MROH6: variants seen among roughly 807,000 people sequenced by gnomAD.
The protein encoded by MROH6 is maestro heat like repeat family member 6.
Under a neutral mutation model 67.7 loss-of-function variants are expected in MROH6, and 62 were observed. The ratio of observed to expected loss-of-function variants is 0.92; its 90% CI spans 0.75 to 1.13. MROH6 has a LOEUF of 1.13. Among genes scored for constraint, MROH6 ranks in the 50% most tolerant of loss-of-function variants. The pLI is 0.00. For missense variants in MROH6, 1,175 were observed against 1,029.1 expected (o/e 1.14, Z -1.94); for synonymous variants, 566 against 470.8 (o/e 1.20, Z -2.62).
At chr8:143,568,503 G>A in intron 10 of MROH6, 49 bp downstream of exon 10, 2 of 1,476,652 alleles carry the variant, frequency 1.4e-6, no homozygotes, top group Non-Finnish European at 1.8e-6. Flanking sequence ...CGGTGGGAGT[G>A]GTGAGTGTTG....
chr8:143,571,725 G>A lies in MROH6; in HGVS notation c.544C>T (p.Leu182=). 1.3e-6 allele frequency: 2 copies of A among 1,550,432 alleles called. No individual in the cohort carries two copies. The highest frequency in any genetic ancestry group is 1.7e-6 in the Non-Finnish European group (2 of 1,148,112). The change falls in exon 3 of 14, where the codon CTG becomes TTG. Residue 182 remains leucine, a synonymous_variant. Transcript: ENST00000398882. ...AALRVLSALA[L]EHARDVVCAL... The stretch of plus-strand genomic sequence containing the variant: ...CACACCACGTCCCGCGCATGCTCCA[G>A]GGCCAGTGCGCTCAGCACTCGCAGG...
chr8:143,569,246 A>T (rs868204771), intron 9 of MROH6, among the ~76,000 whole-genome samples, 195 bp downstream of exon 9: 3 of 55,934 alleles, frequency 5.4e-5, no homozygotes, highest in Non-Finnish European at 1.0e-4. Context: ...AGGGAGAAAC[A>T]GGAGGGGCGG....
In MROH6 at chr8:143,570,285, ACCAGCCTCCT is replaced by A. The variant is rs768413349; in HGVS notation, c.991_1000del (p.Arg331TrpfsTer97). 4.4e-6 allele frequency: 7 copies of A among 1,605,098 alleles called. No homozygotes were observed. Among genetic ancestry groups the A allele is most frequent in the South Asian group, 1.1e-5 (1 of 90,574 alleles). Reference sequence around the variant, plus strand: ...GCCCTCCAGGTGGGTGTGGGCTCCCACCAGCCTCCTCCAGCCTCCTGCCTGCTCCATGCAC... The same window carrying A: ...GCCCTCCAGGTGGGTGTGGGCTCCCACCAGCCTCCTGCCTGCTCCATGCAC... On this transcript the variant is annotated frameshift_variant, in exon 6 of 14. Coordinates refer to ENST00000398882, the MANE Select transcript of MROH6 (RefSeq NM_001100878.2). LOFTEE classifies it high-confidence loss of function.
chr8:143,568,544 C>T lies in MROH6; in HGVS notation c.1644+8G>A. ...CATAGGGGTGGGATGGTGTCGGGGG[C>T]TGCTGACCTCAGCAGCGTCCCTGCT... On this transcript the variant is annotated splice_region_variant and intron_variant, in intron 10 of 13. Transcript: ENST00000398882. The T allele has an allele frequency of 6.6e-7, 1 of 1,522,142 alleles. No individual in the cohort carries two copies. The highest frequency in any genetic ancestry group is 8.8e-7 in the Non-Finnish European group (1 of 1,139,740). The allele number at this position is 1,522,142 out of a possible 1,614,324, so 94.3% of individuals were successfully genotyped here.
chr8:143,570,836 A>ACCCCTT, intron 4 of MROH6, 41 bp downstream of exon 4: 3 of 418,264 alleles, frequency 7.2e-6, no homozygotes, highest in South Asian at 5.9e-5. Flanking sequence ...GCCACCCCCC[A>ACCCCTT]CCCCCGCCCC....
Position 143,566,987 on chromosome 8 carries a change from T to A in MROH6, c.*252A>T, listed in dbSNP as rs10097065. 53,885 of 321,090 alleles carry A rather than the reference T, an allele frequency of 0.17. 5,000 individuals carry two copies. Among genetic ancestry groups the A allele is most frequent in the Non-Finnish European group, 0.21 (36,045 of 175,530 alleles). 19.9% of individuals were successfully genotyped at this position (321,090 alleles called of 1,614,324 possible). A position where few individuals can be genotyped will look rare whatever the true frequency, so the allele number is the denominator to read the frequency against. On this transcript the variant is annotated 3_prime_UTR_variant, in exon 14 of 14. Transcript: ENST00000398882. Reference sequence around the variant, plus strand: ...TCTGGGCCAGGAGCCAGGCCCAAGGTTGGGGCATGGGGCATGCTCCAGGGG... The same window carrying A: ...TCTGGGCCAGGAGCCAGGCCCAAGGATGGGGCATGGGGCATGCTCCAGGGG...
chr8:143,568,919 G>A (rs1333385364), intron 9 of MROH6, 200 bp from the exon 10 acceptor site: 25 of 498,264 alleles, frequency 5.0e-5, no homozygotes, highest in Middle Eastern at 5.1e-4. Context: ...GGGCTTGAAG[G>A]GATGGGGTCC....
In MROH6 at chr8:143,572,238, C is replaced by T. The variant is rs548831448; in HGVS notation, c.295-53G>A. The T allele has an allele frequency of 6.3e-6, 10 of 1,589,214 alleles. No homozygotes were observed. The Admixed American group carries it at 7.0e-5, about 11-fold the overall frequency. On this transcript the variant is annotated intron_variant, in intron 1 of 13. Transcript: ENST00000398882. Reference sequence around the variant, plus strand: ...AGTGCCCAAACCTCTCCTAGCTCTCCTCCTGGTCCCTCGGCCTCCCACCTG... The same window carrying T: ...AGTGCCCAAACCTCTCCTAGCTCTCTTCCTGGTCCCTCGGCCTCCCACCTG...
Position 143,567,086 on chromosome 8 carries a change from G to A in MROH6, c.*153C>T. On this transcript the variant is annotated 3_prime_UTR_variant, in exon 14 of 14. Transcript: ENST00000398882. ...CCCTCTGTCACCATCAGGGTGGTGG[G>A]TGCCTGAAGAGGGGTCACGGGGGTG... 1 of 357,608 alleles carries A rather than the reference G, an allele frequency of 2.8e-6. No homozygotes were observed. Among genetic ancestry groups the A allele is most frequent in the South Asian group, 1.7e-4 (1 of 5,840 alleles). The allele number at this position is 357,608 out of a possible 1,614,324, so 22.2% of individuals were successfully genotyped here. A position where few individuals can be genotyped will look rare whatever the true frequency, so the allele number is the denominator to read the frequency against.
rs1485091593 is a variant in MROH6 at position 143,569,531 on chromosome 8, G to T, written c.1386C>A (p.Gly462=). The change falls in exon 9 of 14, where the codon GGC becomes GGA. Residue 462 remains glycine (G), a synonymous_variant. Transcript: ENST00000398882. ...GCCGCAGCAGGAGCCTCCTCAGGGC[G>T]CCCAGCGCTGCACCCACGAGCCGCG... ...GDARLVGAAL[G]ALRRLLLRPR... 1 of 1,513,262 alleles carries T rather than the reference G, an allele frequency of 6.6e-7. No individual in the cohort carries two copies. Among genetic ancestry groups the T allele is most frequent in the African/African-American group, 1.4e-5 (1 of 70,632 alleles). 93.7% of individuals were successfully genotyped at this position (1,513,262 alleles called of 1,614,324 possible).
Position 143,569,932 on chromosome 8 carries a change from A to G in MROH6, c.1158+19T>C, listed in dbSNP as rs376420856. ...AGTCCAGGGTCACCCTTCACCACCCATCCGGGAAGCAGGCTCACCCCTGTG... is the reference window on the plus strand; with the variant it reads ...AGTCCAGGGTCACCCTTCACCACCCGTCCGGGAAGCAGGCTCACCCCTGTG... On this transcript the variant is annotated intron_variant, in intron 7 of 13. Transcript: ENST00000398882. 1.2e-5 allele frequency: 19 copies of G among 1,612,306 alleles called. No homozygotes were observed. In the African/African-American group the frequency reaches 2.4e-4, roughly 20 times the overall value.
At chr8:143,568,522 A>G (rs1823768649) in intron 10 of MROH6, 30 bp downstream of exon 10, 1 of 1,503,216 alleles carries the variant, frequency 6.7e-7, no homozygotes, top group Non-Finnish European at 8.9e-7. Context: ...TGGATGGCAT[A>G]GGGGTGGGAT....
chr8:143,568,832 C>T, intron 9 of MROH6, 113 bp from the exon 10 acceptor site: 1 of 784,950 alleles, frequency 1.3e-6, no homozygotes, highest in Non-Finnish European at 1.9e-6. Flanking sequence ...GCTGCTGACT[C>T]GGTGTGATCT....
chr8:143,567,536 C>T (rs912473606), intron 13 of MROH6, 71 bp from the exon 14 acceptor site: 1 of 1,470,980 alleles, frequency 6.8e-7, no homozygotes, highest in Admixed American at 2.4e-5. Flanking sequence ...GCCCTCCACC[C>T]ACCGCTCCCG....
At chr8:143,567,761 G>A in intron 12 of MROH6, 25 bp downstream of exon 12, 1 of 1,570,966 alleles carries the variant, frequency 6.4e-7, no homozygotes. Flanking sequence ...GGTGCCAGGG[G>A]CAGTGTGACC....
chr8:143,567,479 G>T lies in MROH6; in HGVS notation c.1934-14C>A. On this transcript the variant is annotated splice_polypyrimidine_tract_variant and intron_variant, in intron 13 of 13. Transcript: ENST00000398882. ...GTCGCCCTAGGTCTGCGAGGAGATC[G>T]CGGCTCAGGCTGGGGAGCCCAGGAG... 1 of 1,425,162 alleles carries T rather than the reference G, an allele frequency of 7.0e-7. No individual in the cohort carries two copies. The highest frequency in any genetic ancestry group is 1.5e-5 in the South Asian group (1 of 66,624). 88.3% of individuals were successfully genotyped at this position (1,425,162 alleles called of 1,614,324 possible). A position where few individuals can be genotyped will look rare whatever the true frequency, so the allele number is the denominator to read the frequency against.
At chr8:143,570,412 T>C in intron 5 of MROH6, 32 bp from the exon 6 acceptor site, 3 of 1,439,604 alleles carry the variant, frequency 2.1e-6, no homozygotes, top group Admixed American at 1.9e-5. Flanking sequence ...AGGTGGGCAG[T>C]GGGAGCTGAG....
In MROH6 at chr8:143,567,271, G is replaced by A. The variant is rs991642170; in HGVS notation, c.2128C>T (p.Arg710Cys). 5.9e-5 allele frequency: 72 copies of A among 1,222,646 alleles called. No individual in the cohort carries two copies. The African/African-American group carries it at 9.1e-4, about 15-fold the overall frequency. The allele number at this position is 1,222,646 out of a possible 1,614,324, so 75.7% of individuals were successfully genotyped here. A position where few individuals can be genotyped will look rare whatever the true frequency, so the allele number is the denominator to read the frequency against. The change falls in exon 14 of 14, where the codon CGC becomes TGC. Residue 710 changes from arginine to cysteine, a missense_variant. Arg to Cys is a radical substitution (Grantham distance 180, BLOSUM62 -3). Coordinates refer to ENST00000398882, the MANE Select transcript of MROH6 (RefSeq NM_001100878.2). ...SPFQRRSVAG[R>C]WGCSGPRRA ...CGGCGGGGTCCGGAGCAGCCCCAGC[G>A]GCCCGCGACGCTCCGGCGCTGGAAG...
rs764721664 is a variant in MROH6 at position 143,570,258 on chromosome 8, A to G, written c.1028T>C (p.Val343Ala). ...CCCTCCTCACCTGGCCAGCAGCAGGACGCCCTCCAGGTGGGTGTGGGCTCC... is the reference window on the plus strand; with the variant it reads ...CCCTCCTCACCTGGCCAGCAGCAGGGCGCCCTCCAGGTGGGTGTGGGCTCC... ...LVGAHTHLEG[V>A]LLLASAMVAH... Residue 343 changes from valine to alanine, a missense_variant, in exon 6 of 14, where the codon GTC (valine) becomes GCC (alanine). By Grantham distance (64) the Val-to-Ala change is moderately conservative. Transcript: ENST00000398882. 2.5e-6 allele frequency: 4 copies of G among 1,589,904 alleles called. No homozygotes were observed. The highest frequency in any genetic ancestry group is 2.2e-5 in the East Asian group (1 of 44,656).
Sources: gnomAD v4.1 joint callset for allele counts (sites outside exome capture counted in the v4.1 genomes callset) on GRCh38, gnomAD v4.1.1 for gene constraint, MANE v1.5 for transcripts, NCBI Gene and HGNC (gene_info 2026-07-23, HGNC 2026-07-21) for gene names.